MSRB2: variants seen among roughly 807,000 people sequenced by gnomAD.
MSRB2 encodes the protein methionine sulfoxide reductase B2.
In MSRB2, 17 loss-of-function variants were observed where a neutral mutation model predicts 19.0. The observed-to-expected ratio is 0.89, with a 90% CI of 0.61 to 1.34. MSRB2 has a LOEUF of 1.34. Ranked by LOEUF, MSRB2 falls within the 40% of genes most tolerant of loss-of-function variation. MSRB2 has a pLI of 0.00. For synonymous variants in MSRB2, 107 were observed against 99.7 expected (o/e 1.07, Z -0.44); for missense variants, 208 against 237.6 (o/e 0.88, Z 0.82).
chr10:23,113,942 T>C (rs1191692939), intron 3 of MSRB2, among the ~76,000 whole-genome samples: 3 of 152,220 alleles, frequency 2.0e-5, no homozygotes, highest in African/African-American at 4.8e-5. Context: ...TGGTACTTTG[T>C]TACAGCCACC....
At chr10:23,114,137 G>T (rs189741750) in intron 3 of MSRB2, among the ~76,000 whole-genome samples, 2 of 152,194 alleles carry the variant, frequency 1.3e-5, no homozygotes, top group Non-Finnish European at 2.9e-5. Context: ...ATCACTGCAG[G>T]TCAGGAGTTC....
intron 1 of MSRB2, among the ~76,000 whole-genome samples, chr10:23,099,595 T>A (rs1839904628): frequency 6.6e-6 from 1 of 152,226 alleles, no homozygotes; most frequent in South Asian, 2.1e-4. Flanking sequence ...GTCACGCACC[T>A]GTAGTCTCAG....
chr10:23,096,486 A>G (rs374240014), intron 1 of MSRB2, among the ~76,000 whole-genome samples: 44 of 151,970 alleles, frequency 2.9e-4, no homozygotes, highest in African/African-American at 9.7e-4. Context: ...TTTCAGTTCT[A>G]TTTCAGGGTA....
At chr10:23,097,000 AG>A (rs1306795312) in intron 1 of MSRB2, among the ~76,000 whole-genome samples, 1 of 152,220 alleles carries the variant, frequency 6.6e-6, no homozygotes, top group Non-Finnish European at 1.5e-5. Flanking sequence ...AGCCACCAGT[AG>A]GTAACAGGAG....
At chr10:23,111,210 C>G (rs1382646013) in intron 3 of MSRB2, among the ~76,000 whole-genome samples, 1 of 152,194 alleles carries the variant, frequency 6.6e-6, no homozygotes, top group African/African-American at 2.4e-5. Context: ...CCTCCGTGCT[C>G]ACAGATGGGC....
intron 2 of MSRB2, among the ~76,000 whole-genome samples, chr10:23,107,084 C>A (rs749013659): frequency 5.2e-4 from 79 of 152,336 alleles, no homozygotes; most frequent in Admixed American, 1.1e-3. Flanking sequence ...ATTTCCACTG[C>A]TCTGCCTGAG....
chr10:23,108,620 C>T (rs556979336), intron 2 of MSRB2, among the ~76,000 whole-genome samples: 2 of 151,778 alleles, frequency 1.3e-5, no homozygotes, highest in South Asian at 2.1e-4. Flanking sequence ...GGATTACAGG[C>T]GTGCTCCACC....
intron 3 of MSRB2, among the ~76,000 whole-genome samples, chr10:23,110,746 GA>G (rs1474192258): frequency 6.6e-6 from 1 of 151,900 alleles, no homozygotes; most frequent in Non-Finnish European, 1.5e-5. Context: ...AGGAAATGTA[GA>G]ATTTTATGAG....
intron 2 of MSRB2, among the ~76,000 whole-genome samples, chr10:23,109,498 G>A (rs758310878): frequency 9.4e-5 from 14 of 149,486 alleles, no homozygotes; most frequent in Non-Finnish European, 2.1e-4. Flanking sequence ...AGCTGAGATC[G>A]TGTCATTGCA....
At chr10:23,119,886 C>T (rs1458745476) in intron 4 of MSRB2, among the ~76,000 whole-genome samples, 13 of 152,070 alleles carry the variant, frequency 8.5e-5, no homozygotes, top group African/African-American at 2.7e-4. Context: ...TGGGCCACCA[C>T]ACCCAGCCCA....
chr10:23,119,636 C>T (rs1215114164), intron 4 of MSRB2, among the ~76,000 whole-genome samples, 185 bp downstream of exon 4: 1 of 152,062 alleles, frequency 6.6e-6, no homozygotes, highest in African/African-American at 2.4e-5. Context: ...GACAGTCTCG[C>T]TCTGTTTTGC....
chr10:23,111,138 T>C (rs1305039692), intron 3 of MSRB2, among the ~76,000 whole-genome samples: 1 of 152,208 alleles, frequency 6.6e-6, no homozygotes. Flanking sequence ...TGGCTGCTAA[T>C]GTGGGCTGCC....
chr10:23,113,803 A>C (rs1478156728), intron 3 of MSRB2, among the ~76,000 whole-genome samples: 6 of 152,170 alleles, frequency 3.9e-5, no homozygotes, highest in African/African-American at 1.4e-4. Context: ...CGCAGCTACA[A>C]ACCGAAGACT....
In MSRB2 at chr10:23,116,795, C is replaced by T. The variant is rs115806740; in HGVS notation, c.297-2509C>T. ...TAGCTGCTAGAGAAGAAGAAAACCC[C>T]TGTGGCAGTTAGAGTTGATTCTTTA... On this transcript the variant is annotated intron_variant, in intron 3 of 4. Transcript: ENST00000376510. Among the ~76,000 whole-genome samples the T allele has an allele frequency of 7.2e-3, 1,093 of 152,294 alleles. 17 individuals carry two copies. Among genetic ancestry groups the T allele is most frequent in the South Asian group, 0.025 (123 of 4,826 alleles).
chr10:23,100,695 A>G (rs965249498), intron 1 of MSRB2, among the ~76,000 whole-genome samples: 6 of 152,180 alleles, frequency 3.9e-5, no homozygotes, highest in African/African-American at 1.4e-4. Context: ...GAACAGCACC[A>G]AAGGGGAAAT....
rs763140763 is a variant in MSRB2 at position 23,109,826 on chromosome 10, T to C, written c.220-416T>C. ...ATCTCACTGAACTATGCTTTTTATGTATTTATATTCTGTCTTTAATTGGAG... is the reference window on the plus strand; with the variant it reads ...ATCTCACTGAACTATGCTTTTTATGCATTTATATTCTGTCTTTAATTGGAG... On this transcript the variant is annotated intron_variant, in intron 2 of 4. Coordinates refer to ENST00000376510, the MANE Select transcript of MSRB2 (RefSeq NM_012228.4). 7.2e-4 allele frequency among the ~76,000 whole-genome samples: 109 copies of C among 152,350 alleles called. 1 individual carries two copies. In the Middle Eastern group the frequency reaches 0.024, roughly 33 times the overall value.
intron 1 of MSRB2, among the ~76,000 whole-genome samples, chr10:23,103,213 T>C (rs982038497): frequency 2.6e-5 from 4 of 152,238 alleles, no homozygotes; most frequent in Non-Finnish European, 5.9e-5. Flanking sequence ...TTTAGGACTT[T>C]TTTTGTAACC....
chr10:23,097,992 C>T (rs1341863008), intron 1 of MSRB2, among the ~76,000 whole-genome samples: 1 of 151,774 alleles, frequency 6.6e-6, no homozygotes, highest in African/African-American at 2.4e-5. Context: ...TTTTTTTAAT[C>T]CAGATTGACA....
At chr10:23,119,155 G>A in intron 3 of MSRB2, 149 bp from the exon 4 acceptor site, 1 of 977,766 alleles carries the variant, frequency 1.0e-6, no homozygotes, top group African/African-American at 1.6e-5. Flanking sequence ...GACGATTCCG[G>A]GGGGACTGAC....
Sources: gnomAD v4.1 joint callset for allele counts (sites outside exome capture counted in the v4.1 genomes callset) on GRCh38, gnomAD v4.1.1 for gene constraint, MANE v1.5 for transcripts, NCBI Gene and HGNC (gene_info 2026-07-23, HGNC 2026-07-21) for gene names.